Variants in TGFB2 observed in about 807,000 individuals in gnomAD.
TGFB2 encodes the protein transforming growth factor beta 2, also known as transforming growth factor beta-2 proprotein.
Under a neutral mutation model 42.7 loss-of-function variants are expected in TGFB2, and 13 were observed. The ratio of observed to expected loss-of-function variants is 0.30; its 90% CI spans 0.20 to 0.48. The LOEUF (loss-of-function observed/expected upper bound fraction) is 0.48, where lower values mean the gene tolerates loss of function less well. TGFB2 is among the 20% of genes least tolerant of loss of function. TGFB2 has a pLI of 0.99. For missense variants in TGFB2, 390 were observed against 517.5 expected, an observed-to-expected ratio of 0.75 and a Z score of 2.39; for synonymous variants, 193 against 193.6, an observed-to-expected ratio of 1.00 and a Z score of 0.03.
intron 1 of TGFB2, among the ~76,000 whole-genome samples, chr1:218,374,081 TA>T (rs1245195339): frequency 6.6e-6 from 1 of 152,230 alleles, no homozygotes; most frequent in African/African-American, 2.4e-5. Flanking sequence ...GGCTGGGTAA[TA>T]ATTAGAGTGG....
At chr1:218,433,021 T>C (rs1168549287) in intron 2 of TGFB2, among the ~76,000 whole-genome samples, 1 of 152,198 alleles carries the variant, frequency 6.6e-6, no homozygotes, top group Non-Finnish European at 1.5e-5. Flanking sequence ...ACAGTTGCGC[T>C]TTACTCATTT....
intron 1 of TGFB2, among the ~76,000 whole-genome samples, chr1:218,378,941 C>T (rs1258627928): frequency 6.6e-6 from 1 of 151,980 alleles, no homozygotes; most frequent in Non-Finnish European, 1.5e-5. Context: ...GGGTCTGTGG[C>T]TATTACCCTC....
intron 2 of TGFB2, among the ~76,000 whole-genome samples, chr1:218,425,147 T>C (rs183715455): frequency 6.6e-6 from 1 of 152,216 alleles, no homozygotes; most frequent in African/African-American, 2.4e-5. Context: ...AGGCTCTTCC[T>C]GAAGGGCTTT....
chr1:218,410,983 G>T (rs1020812349), intron 2 of TGFB2, among the ~76,000 whole-genome samples: 6 of 152,132 alleles, frequency 3.9e-5, no homozygotes, highest in Non-Finnish European at 5.9e-5. Context: ...AAATGCTTGG[G>T]GAACTTAATG....
intron 2 of TGFB2, among the ~76,000 whole-genome samples, chr1:218,418,802 G>C (rs998095919): frequency 3.3e-5 from 5 of 152,116 alleles, no homozygotes; most frequent in Admixed American, 1.3e-4. Context: ...TTAAAAAGAG[G>C]CATTCTGCTA....
chr1:218,431,809 C>T (rs1485075301), intron 2 of TGFB2, among the ~76,000 whole-genome samples: 1 of 152,162 alleles, frequency 6.6e-6, no homozygotes, highest in Non-Finnish European at 1.5e-5. Flanking sequence ...TTTCTTATTC[C>T]TGTTCCATAG....
Position 218,441,854 on chromosome 1 carries a change from A to G in TGFB2, c.*492A>G, listed in dbSNP as rs1249058567. ...GTTATTTATTGTGTGTTACTATATA[A>G]TGAACGTTTCATTGCCCTTGGAAAA... is the stretch of plus-strand genomic sequence containing the variant. On this transcript the variant is annotated 3_prime_UTR_variant, in exon 7 of 7. Coordinates refer to ENST00000366930, the MANE Select transcript of TGFB2 (RefSeq NM_003238.6). 1 of 152,504 alleles carries G rather than the reference A, an allele frequency of 6.6e-6. No homozygotes were observed. Among genetic ancestry groups the G allele is most frequent in the Admixed American group, 6.5e-5 (1 of 15,296 alleles). 9.4% of individuals were successfully genotyped at this position (152,504 alleles called of 1,614,324 possible).
intron 1 of TGFB2, among the ~76,000 whole-genome samples, chr1:218,364,219 C>T (rs1657312306): frequency 6.6e-6 from 1 of 152,162 alleles, no homozygotes; most frequent in Admixed American, 6.5e-5. Context: ...GTCAGGCCCT[C>T]AGCCAACTGG....
chr1:218,364,009 A>C (rs1310248597), intron 1 of TGFB2, among the ~76,000 whole-genome samples: 3 of 152,196 alleles, frequency 2.0e-5, no homozygotes, highest in African/African-American at 7.2e-5. Context: ...CAATATTTTT[A>C]AAGCTTATCA....
chr1:218,432,119 G>A (rs10482792), intron 2 of TGFB2, among the ~76,000 whole-genome samples: 50,425 of 151,996 alleles, frequency 0.33, 9,132 homozygotes, highest in East Asian at 0.71. Context: ...AAAATGACTC[G>A]GGATTGAGTT....
chr1:218,392,141 A>G (rs1340819749), intron 1 of TGFB2, among the ~76,000 whole-genome samples: 2 of 152,140 alleles, frequency 1.3e-5, no homozygotes, highest in Admixed American at 1.3e-4. Context: ...CACAAGGTCA[A>G]GAGATCGAGA....
chr1:218,374,440 G>T (rs1173937964), intron 1 of TGFB2, among the ~76,000 whole-genome samples: 1 of 152,214 alleles, frequency 6.6e-6, no homozygotes, highest in East Asian at 1.9e-4. Flanking sequence ...TGGGAAAGGA[G>T]AGTGATTTTA....
At chr1:218,423,317 A>G (rs1014782923) in intron 2 of TGFB2, among the ~76,000 whole-genome samples, 3 of 152,274 alleles carry the variant, frequency 2.0e-5, no homozygotes, top group Admixed American at 6.5e-5. Context: ...TTAATATTCT[A>G]TTGGAGGAAA....
chr1:218,369,963 T>G (rs1366722516), intron 1 of TGFB2, among the ~76,000 whole-genome samples: 1 of 152,218 alleles, frequency 6.6e-6, no homozygotes, highest in African/African-American at 2.4e-5. Context: ...CAGGAAGACT[T>G]TACACGGGGA....
At chr1:218,380,810 A>G (rs1368828429) in intron 1 of TGFB2, among the ~76,000 whole-genome samples, 1 of 152,202 alleles carries the variant, frequency 6.6e-6, no homozygotes, top group Non-Finnish European at 1.5e-5. Flanking sequence ...TTTGCCAGAA[A>G]AAGCCCTTTT....
At position 218,346,673 on chromosome 1, in the gene TGFB2, A is replaced by C; in HGVS notation, c.-29A>C. The C allele has an allele frequency of 6.4e-7, 1 of 1,559,734 alleles. No homozygotes were observed. The highest frequency in any genetic ancestry group is 2.3e-5 in the East Asian group (1 of 44,240). On this transcript the variant is annotated 5_prime_UTR_variant, in exon 1 of 7. Coordinates refer to ENST00000366930, the MANE Select transcript of TGFB2 (RefSeq NM_003238.6). This position sits in a 1 kb window ranked among gnomAD's most constrained non-coding sequence, Gnocchi z 4.9. ...TCTTTTTTTTATTCTGACTTTTAAA[A>C]ACAACTTTTTTTTCCACTTTTTTAA...
intron 1 of TGFB2, among the ~76,000 whole-genome samples, chr1:218,368,953 A>C (rs761412420): frequency 5.9e-5 from 9 of 152,196 alleles, no homozygotes; most frequent in Admixed American, 1.3e-4. Flanking sequence ...AGGGCCGTGT[A>C]GCTGTTAAGA....
At chr1:218,410,423 C>A (rs2102600348) in intron 2 of TGFB2, among the ~76,000 whole-genome samples, 1 of 152,268 alleles carries the variant, frequency 6.6e-6, no homozygotes, top group African/African-American at 2.4e-5. Context: ...ATTACCCTCC[C>A]CTCTCTACAG....
chr1:218,382,236 G>GA (rs1163639672), intron 1 of TGFB2, among the ~76,000 whole-genome samples: 4 of 152,194 alleles, frequency 2.6e-5, no homozygotes, highest in South Asian at 2.1e-4. Context: ...AATATAAGTA[G>GA]AAAAAATATC....
Sources: gnomAD v4.1 joint callset for allele counts (sites outside exome capture counted in the v4.1 genomes callset) on GRCh38, gnomAD v4.1.1 for gene constraint, Gnocchi (gnomAD v3.1) non-coding constraint, MANE v1.5 for transcripts, NCBI Gene and HGNC (gene_info 2026-07-23, HGNC 2026-07-21) for gene names.